The following LARGE1 variants were observed in gnomAD, a reference collection of about 807,000 sequenced individuals.
LARGE1 encodes the protein LARGE xylosyl- and glucuronyltransferase 1.
LARGE1 carries 43 observed loss-of-function variants against 87.6 expected under a neutral mutation model. The observed-to-expected ratio is 0.49, with a 90% CI of 0.38 to 0.63. LARGE1 has a LOEUF of 0.63. LARGE1 is among the 30% of genes least tolerant of loss of function. The pLI is 0.00. For missense variants in LARGE1, 802 were observed against 1,000.2 expected (o/e 0.80, Z 2.67); for synonymous variants, 434 against 394.6 (o/e 1.10, Z -1.18).
intron 12 of LARGE1, among the ~76,000 whole-genome samples, chr22:33,297,587 T>C (rs1292392961): frequency 2.3e-5 from 3 of 132,002 alleles, no homozygotes; most frequent in Non-Finnish European, 4.7e-5. Context: ...CACTCCAGCC[T>C]GGGCGGCATA....
chr22:33,332,302 AC>A (rs913027739), intron 10 of LARGE1, among the ~76,000 whole-genome samples: 7 of 151,800 alleles, frequency 4.6e-5, no homozygotes, highest in African/African-American at 1.7e-4. Flanking sequence ...ATAAGGGGAA[AC>A]CCCTTTCACT....
intron 9 of LARGE1, among the ~76,000 whole-genome samples, chr22:33,343,070 T>C (rs1939338493): frequency 6.6e-6 from 1 of 152,220 alleles, no homozygotes; most frequent in African/African-American, 2.4e-5. Flanking sequence ...CCTAAATAGC[T>C]ACCATGTATT....
chr22:33,795,766 G>GTCCTC (rs1312400041), intron 1 of LARGE1, among the ~76,000 whole-genome samples: 1 of 151,806 alleles, frequency 6.6e-6, no homozygotes, highest in Non-Finnish European at 1.5e-5. Context: ...ACCAAACACT[G>GTCCTC]TACATTCTCA....
chr22:33,337,119 T>C (rs1938552406), intron 10 of LARGE1, among the ~76,000 whole-genome samples: 1 of 149,990 alleles, frequency 6.7e-6, no homozygotes, highest in African/African-American at 2.5e-5. Context: ...TATGAACAAA[T>C]TATAAGTGGT....
chr22:33,865,625 T>C (rs1341656446), intron 1 of LARGE1, among the ~76,000 whole-genome samples: 1 of 151,990 alleles, frequency 6.6e-6, no homozygotes, highest in African/African-American at 2.4e-5. Context: ...AGGATAAAAA[T>C]AGGGTGATAG....
chr22:33,766,907 CATATACATATATATAT>C (rs1427100469), intron 1 of LARGE1, among the ~76,000 whole-genome samples: 1 of 69,774 alleles, frequency 1.4e-5, no homozygotes, highest in Non-Finnish European at 3.0e-5. Context: ...CTAATTTAAA[CATATACATATATATAT>C]ATATATATAT....
chr22:33,214,938 C>T lies in LARGE1; in HGVS notation c.1731-48106G>A, dbSNP rs998859777. ...CTTGAGGTGGCCCTGCACAGCAAACCCCAAGGTCCCACGAGCACCCTGGGT... is the reference window on the plus strand; with the variant it reads ...CTTGAGGTGGCCCTGCACAGCAAACTCCAAGGTCCCACGAGCACCCTGGGT... On this transcript the variant is annotated intron_variant, in intron 11 of 11. Coordinates refer to the LARGE1 transcript ENST00000608642. Among the ~76,000 whole-genome samples the T allele has an allele frequency of 3.3e-5, 5 of 152,222 alleles. No homozygotes were observed. The East Asian group carries it at 5.8e-4, about 18-fold the overall frequency.
intron 8 of LARGE1, among the ~76,000 whole-genome samples, chr22:33,383,952 G>C (rs1475243585): frequency 1.3e-5 from 2 of 152,164 alleles, no homozygotes; most frequent in Non-Finnish European, 2.9e-5. Flanking sequence ...TCTGAACTTG[G>C]CTCCTGGTAT....
At chr22:33,378,167 C>A (rs1190984306) in intron 9 of LARGE1, among the ~76,000 whole-genome samples, 1 of 152,250 alleles carries the variant, frequency 6.6e-6, no homozygotes, top group South Asian at 2.1e-4. Flanking sequence ...TAAGAATATT[C>A]TTCTAGATCA....
At chr22:33,565,996 T>C (rs1000750635) in intron 5 of LARGE1, among the ~76,000 whole-genome samples, 4 of 152,212 alleles carry the variant, frequency 2.6e-5, no homozygotes, top group African/African-American at 9.6e-5. Context: ...GCACACTTAT[T>C]TTCAAGAGGG....
At chr22:33,554,739 TCTAAA>T (rs1326340318) in intron 6 of LARGE1, among the ~76,000 whole-genome samples, 3 of 152,226 alleles carry the variant, frequency 2.0e-5, no homozygotes, top group Non-Finnish European at 4.4e-5. Context: ...TTTCAAATCT[TCTAAA>T]CTGTCTTTCA....
At chr22:33,099,852 A>G in the LARGE1 span, among the ~76,000 whole-genome samples, 2 of 152,188 alleles carry the variant, frequency 1.3e-5, no homozygotes, top group South Asian at 4.2e-4. Context: ...GCTTCCTATG[A>G]CGCTCTGGCC....
chr22:33,295,853 G>A (rs1933177406), intron 12 of LARGE1, among the ~76,000 whole-genome samples: 1 of 152,212 alleles, frequency 6.6e-6, no homozygotes, highest in Non-Finnish European at 1.5e-5. Flanking sequence ...GGGCTCACAG[G>A]CATGAGCAAG....
At chr22:33,615,121 A>G (rs973713481) in intron 4 of LARGE1, among the ~76,000 whole-genome samples, 1 of 151,926 alleles carries the variant, frequency 6.6e-6, no homozygotes, top group Non-Finnish European at 1.5e-5. Flanking sequence ...ATAATCGACT[A>G]TTTACTTCTT....
intron 1 of LARGE1, among the ~76,000 whole-genome samples, chr22:33,806,807 C>T (rs2086324883): frequency 6.6e-6 from 1 of 152,036 alleles, no homozygotes; most frequent in Non-Finnish European, 1.5e-5. Context: ...GTCAAGAGAT[C>T]GAGACCATCC....
At chr22:33,504,646 C>A (rs893875247) in intron 6 of LARGE1, among the ~76,000 whole-genome samples, 2 of 152,120 alleles carry the variant, frequency 1.3e-5, no homozygotes, top group African/African-American at 2.4e-5. Flanking sequence ...ATTACTAAGC[C>A]GTGTGAAATA....
chr22:33,809,933 A>C (rs911109411), intron 1 of LARGE1, among the ~76,000 whole-genome samples: 1 of 152,168 alleles, frequency 6.6e-6, no homozygotes, highest in Non-Finnish European at 1.5e-5. Flanking sequence ...GATGTAATAA[A>C]GATTTTACAA....
chr22:33,775,369 C>T (rs1431219592), intron 1 of LARGE1, among the ~76,000 whole-genome samples: 2 of 152,214 alleles, frequency 1.3e-5, no homozygotes, highest in African/African-American at 2.4e-5. Flanking sequence ...TCCAGGAACA[C>T]CACATGGGCA....
At chr22:33,912,486 C>A (rs985233130) in intron 1 of LARGE1, among the ~76,000 whole-genome samples, 8 of 152,160 alleles carry the variant, frequency 5.3e-5, no homozygotes, top group African/African-American at 1.9e-4. Flanking sequence ...TCCCAATTGG[C>A]CTTGGTAATT....
Sources: allele counts gnomAD v4.1 joint callset (sites outside exome capture counted in the v4.1 genomes callset), GRCh38; gene constraint gnomAD v4.1.1; transcripts MANE v1.5; gene names NCBI Gene and HGNC (gene_info 2026-07-23, HGNC 2026-07-21).